The following SLC22A23 variants were observed in gnomAD, a reference collection of about 807,000 sequenced individuals.
SLC22A23 encodes solute carrier family 22 member 23, also known as ion transporter protein.
SLC22A23 carries 26 observed loss-of-function variants against 61.0 expected under a neutral mutation model. That is an observed-to-expected ratio of 0.43 (90% CI 0.31 to 0.59). The LOEUF (loss-of-function observed/expected upper bound fraction) is 0.59, where lower values mean the gene tolerates loss of function less well. SLC22A23 is among the 20% of genes least tolerant of loss of function. The pLI is 0.11. For synonymous variants in SLC22A23, 430 were observed against 413.9 expected, an observed-to-expected ratio of 1.04 and a Z score of -0.47; for missense variants, 796 against 934.7, an observed-to-expected ratio of 0.85 and a Z score of 1.94.
At chr6:3,423,521 C>T (rs966423142) in intron 1 of SLC22A23, among the ~76,000 whole-genome samples, 1 of 152,130 alleles carries the variant, frequency 6.6e-6, no homozygotes, top group African/African-American at 2.4e-5. Context: ...ATTTTATTAA[C>T]GGCCCTCATC....
chr6:3,448,476 C>T (rs1050250944), intron 1 of SLC22A23, among the ~76,000 whole-genome samples: 5 of 148,782 alleles, frequency 3.4e-5, no homozygotes, highest in Non-Finnish European at 6.0e-5. Flanking sequence ...TCAGAAAGTC[C>T]ACCATGTTTT....
intron 4 of SLC22A23, among the ~76,000 whole-genome samples, chr6:3,316,169 A>T (rs1762628115): frequency 1.3e-5 from 2 of 152,210 alleles, no homozygotes; most frequent in African/African-American, 2.4e-5. Context: ...AACCACTGAC[A>T]TTTGAAAACC....
At position 3,318,215 on chromosome 6, in the gene SLC22A23, C is replaced by T. The variant is rs1762752338; in HGVS notation, c.1082+5619G>A. ...TTTTCTGTATTTCCTAATGTTTTAA[C>T]ATCTGGAGCCTTGCTGATTCCAGAG... On this transcript the variant is annotated intron_variant, in intron 4 of 9. Transcript: ENST00000406686. The surrounding 1 kb of genome is among the most constrained non-coding windows in gnomAD (Gnocchi z 4.3). Among the ~76,000 whole-genome samples the T allele has an allele frequency of 6.6e-6, 1 of 152,180 alleles. No individual in the cohort carries two copies. Among genetic ancestry groups the T allele is most frequent in the African/African-American group, 2.4e-5 (1 of 41,440 alleles).
intron 1 of SLC22A23, among the ~76,000 whole-genome samples, chr6:3,447,502 G>T (rs1771951979): frequency 6.6e-6 from 1 of 151,644 alleles, no homozygotes; most frequent in Non-Finnish European, 1.5e-5. Flanking sequence ...ACATATCATT[G>T]TATCCCCAAC....
chr6:3,432,129 C>G (rs1185356618), intron 1 of SLC22A23: 1 of 859,692 alleles, frequency 1.2e-6, no homozygotes, highest in African/African-American at 1.8e-5. Flanking sequence ...GAGTAATCCC[C>G]AAGGTTCCTC....
At chr6:3,389,577 C>T (rs1767534706) in intron 3 of SLC22A23, among the ~76,000 whole-genome samples, 1 of 152,144 alleles carries the variant, frequency 6.6e-6, no homozygotes, top group South Asian at 2.1e-4. Flanking sequence ...TGCTTGGCAT[C>T]CTTTCTGTCT....
chr6:3,294,873 A>G (rs960326368), intron 5 of SLC22A23, among the ~76,000 whole-genome samples: 6 of 152,198 alleles, frequency 3.9e-5, no homozygotes, highest in Non-Finnish European at 8.8e-5. Flanking sequence ...TGAGAACATC[A>G]GGTTTTCCCC....
chr6:3,322,507 G>A lies in SLC22A23; in HGVS notation c.1082+1327C>T, dbSNP rs1763016010. ...GGAGGGGTTTGGACATCCAACTTCG[G>A]GACAAGAGCTGGAGGCGGCCCCAGG... On this transcript the variant is annotated intron_variant, in intron 4 of 9. Coordinates refer to ENST00000406686, the MANE Select transcript of SLC22A23 (RefSeq NM_015482.2). This position sits in a 1 kb window ranked among gnomAD's most constrained non-coding sequence, Gnocchi z 4.1. 6.6e-6 allele frequency among the ~76,000 whole-genome samples: 1 copy of A among 152,202 alleles called. No individual in the cohort carries two copies. The highest frequency in any genetic ancestry group is 2.4e-5 in the African/African-American group (1 of 41,436).
chr6:3,423,152 C>T (rs1224928153), intron 1 of SLC22A23, among the ~76,000 whole-genome samples: 1 of 152,042 alleles, frequency 6.6e-6, no homozygotes, highest in East Asian at 1.9e-4. Flanking sequence ...GACACTGGGG[C>T]TTTCCTGGTT....
intron 3 of SLC22A23, among the ~76,000 whole-genome samples, chr6:3,406,493 C>A (rs183674775): frequency 3.5e-4 from 54 of 152,128 alleles, no homozygotes; most frequent in African/African-American, 1.2e-3. Flanking sequence ...TTGGTCCGTG[C>A]CCCTCGCCTT....
At position 3,297,606 on chromosome 6, in the gene SLC22A23, T is replaced by C. The variant is rs182480330; in HGVS notation, c.1210+485A>G. 3.6e-3 allele frequency among the ~76,000 whole-genome samples: 541 copies of C among 152,350 alleles called. 2 individuals carry two copies. The highest frequency in any genetic ancestry group is 0.013 in the African/African-American group (527 of 41,582). The stretch of plus-strand genomic sequence containing the variant: ...ACGCTCCTGACACGCAGGAATTCTA[T>C]GGATCTGAACGACTATCCAAAAACA... On this transcript the variant is annotated intron_variant, in intron 5 of 9. Transcript: ENST00000406686. The surrounding 1 kb of genome is among the most constrained non-coding windows in gnomAD (Gnocchi z 4.3).
intron 4 of SLC22A23, among the ~76,000 whole-genome samples, chr6:3,299,751 A>G (rs1323464721): frequency 1.3e-5 from 2 of 152,056 alleles, no homozygotes; most frequent in Non-Finnish European, 2.9e-5. Context: ...GTGTGGATGT[A>G]TGGGAGTGGG....
At chr6:3,393,187 C>CG (rs1241159946) in intron 3 of SLC22A23, among the ~76,000 whole-genome samples, 5 of 152,080 alleles carry the variant, frequency 3.3e-5, no homozygotes, top group Non-Finnish European at 7.4e-5. Flanking sequence ...ACCTGAGCAG[C>CG]GGGGGTGACG....
At chr6:3,381,499 TAAC>T (rs1280282299) in intron 3 of SLC22A23, among the ~76,000 whole-genome samples, 3 of 152,196 alleles carry the variant, frequency 2.0e-5, no homozygotes, top group Admixed American at 2.0e-4. Context: ...CAATAAAAAT[TAAC>T]AACAGCCAGG....
At chr6:3,392,474 A>C (rs1267885312) in intron 3 of SLC22A23, among the ~76,000 whole-genome samples, 1 of 152,258 alleles carries the variant, frequency 6.6e-6, no homozygotes, top group East Asian at 1.9e-4. Flanking sequence ...GGCTGTATGA[A>C]TATCACCCTA....
At chr6:3,429,767 T>C (rs938142566) in intron 1 of SLC22A23, among the ~76,000 whole-genome samples, 1 of 152,214 alleles carries the variant, frequency 6.6e-6, no homozygotes, top group African/African-American at 2.4e-5. Flanking sequence ...TGGATGAACC[T>C]TGAAGACATG....
rs1239327646 is a variant in SLC22A23, at chr6:3,272,529, A to G, written c.*526T>C. The G allele has an allele frequency of 2.0e-5, 3 of 152,734 alleles. No homozygotes were observed. The highest frequency in any genetic ancestry group is 7.2e-5 in the African/African-American group (3 of 41,448). 9.5% of individuals were successfully genotyped at this position (152,734 alleles called of 1,614,324 possible). On this transcript the variant is annotated 3_prime_UTR_variant, in exon 10 of 10. Transcript: ENST00000406686. Reference sequence around the variant, plus strand: ...AAGGGAAAAAGGACCTTAAAAAACCATACACAGACTCTAGCAAAAGCCAAA... The same window carrying G: ...AAGGGAAAAAGGACCTTAAAAAACCGTACACAGACTCTAGCAAAAGCCAAA...
intron 1 of SLC22A23, among the ~76,000 whole-genome samples, chr6:3,446,374 G>A (rs1042411070): frequency 3.3e-5 from 5 of 152,180 alleles, no homozygotes; most frequent in African/African-American, 9.7e-5. Context: ...ACATGGCCAC[G>A]CCCAGGACAA....
rs375268419 is a variant in SLC22A23, at chr6:3,273,165, G to A, written c.1951C>T (p.Leu651=). 1 of 1,612,442 alleles carries A rather than the reference G, an allele frequency of 6.2e-7. No individual in the cohort carries two copies. Among genetic ancestry groups the A allele is most frequent in the Non-Finnish European group, 8.5e-7 (1 of 1,179,848 alleles). ...LLPHKKGEQP[L]LLTNAELKDY... Reference sequence around the variant, plus strand: ...TTGAGCTCGGCGTTGGTGAGCAGCAGTGGCTGCTCCCCCTTCTTGTGCGGC... The same window carrying A: ...TTGAGCTCGGCGTTGGTGAGCAGCAATGGCTGCTCCCCCTTCTTGTGCGGC... The change falls in exon 10 of 10, where the codon CTG becomes TTG. Residue 651 remains leucine, a synonymous_variant. Coordinates refer to ENST00000406686, the MANE Select transcript of SLC22A23 (RefSeq NM_015482.2).
Sources: allele counts gnomAD v4.1 joint callset (sites outside exome capture counted in the v4.1 genomes callset), GRCh38; gene constraint gnomAD v4.1.1; non-coding constraint Gnocchi (gnomAD v3.1); transcripts MANE v1.5; gene names NCBI Gene and HGNC (gene_info 2026-07-23, HGNC 2026-07-21).